The following TXNDC16 variants were observed in gnomAD, a reference collection of about 807,000 sequenced individuals.
TXNDC16 encodes the protein thioredoxin domain containing 16, also known as thioredoxin domain-containing protein 16.
TXNDC16 carries 74 observed loss-of-function variants against 85.6 expected under a neutral mutation model. That is an observed-to-expected ratio of 0.86 (90% CI 0.72 to 1.05). The LOEUF (loss-of-function observed/expected upper bound fraction) is 1.05. TXNDC16 is among the 50% of genes least tolerant of loss of function. TXNDC16 has a pLI of 0.00. For missense variants in TXNDC16, 959 were observed against 947.0 expected (o/e 1.01, Z -0.17); for synonymous variants, 335 against 326.5 (o/e 1.03, Z -0.28).
At chr14:52,478,364 T>C (rs998707918) in intron 14 of TXNDC16, among the ~76,000 whole-genome samples, 2 of 151,386 alleles carry the variant, frequency 1.3e-5, no homozygotes, top group Non-Finnish European at 3.0e-5. Context: ...CAACAAAAAA[T>C]ACAAAAGATA....
chr14:52,435,593 C>T (rs763138535), intron 20 of TXNDC16, among the ~76,000 whole-genome samples: 8 of 152,018 alleles, frequency 5.3e-5, no homozygotes, highest in Non-Finnish European at 8.8e-5. Flanking sequence ...AATATTAAAA[C>T]CAATAAATTG....
intron 18 of TXNDC16, among the ~76,000 whole-genome samples, chr14:52,449,225 T>C (rs2035353281): frequency 6.6e-6 from 1 of 151,580 alleles, no homozygotes; most frequent in South Asian, 2.1e-4. Context: ...TATAATGATA[T>C]ACAAAGACTG....
rs1305350706 is a variant in TXNDC16, at chr14:52,431,109, A to G, written c.*1195T>C. 6.6e-6 allele frequency: 1 copy of G among 152,272 alleles called. No homozygotes were observed. Among genetic ancestry groups the G allele is most frequent in the Non-Finnish European group, 1.5e-5 (1 of 68,048 alleles). The allele number at this position is 152,272 out of a possible 1,614,324, so 9.4% of individuals were successfully genotyped here. On this transcript the variant is annotated 3_prime_UTR_variant, in exon 21 of 21. Transcript: ENST00000281741. The stretch of plus-strand genomic sequence containing the variant: ...CAAAAATGAGACAAACAACTGCTAC[A>G]AACAGATCAGTCTAACAGCTAAGTG...
chr14:52,511,618 A>AT (rs536180230), intron 8 of TXNDC16, among the ~76,000 whole-genome samples: 29 of 151,338 alleles, frequency 1.9e-4, no homozygotes, highest in African/African-American at 4.8e-4. Context: ...TGTATAAACA[A>AT]TTTTTTTTTG....
chr14:52,526,451 G>T (rs1296126627), intron 6 of TXNDC16, among the ~76,000 whole-genome samples: 1 of 152,064 alleles, frequency 6.6e-6, no homozygotes, highest in Admixed American at 6.6e-5. Flanking sequence ...TGCCCCTGTA[G>T]AAGGAAATCC....
At chr14:52,529,174 G>GT (rs1448835446) in intron 6 of TXNDC16, among the ~76,000 whole-genome samples, 11 of 151,186 alleles carry the variant, frequency 7.3e-5, no homozygotes, top group Non-Finnish European at 1.5e-4. Context: ...CATGTCCTCT[G>GT]TAGGGACATG....
At chr14:52,493,208 T>TAC (rs755511374) in intron 9 of TXNDC16, among the ~76,000 whole-genome samples, 14,999 of 119,564 alleles carry the variant, frequency 0.13, 920 homozygotes, top group Non-Finnish European at 0.13. Flanking sequence ...TATATATATA[T>TAC]ATATATATAC....
At chr14:52,507,173 T>G (rs2036830775) in intron 9 of TXNDC16, among the ~76,000 whole-genome samples, 1 of 152,094 alleles carries the variant, frequency 6.6e-6, no homozygotes, top group Non-Finnish European at 1.5e-5. Context: ...CCCCATTGTC[T>G]CAGCCCAAAA....
chr14:52,542,535 C>A, intron 3 of TXNDC16, 82 bp from the exon 4 acceptor site: 1 of 945,056 alleles, frequency 1.1e-6, no homozygotes, highest in East Asian at 2.5e-5. Flanking sequence ...AGAATAGATT[C>A]ATTTGTCCAA....
At chr14:52,532,344 T>C (rs2037600437) in intron 6 of TXNDC16, among the ~76,000 whole-genome samples, 1 of 152,118 alleles carries the variant, frequency 6.6e-6, no homozygotes, top group South Asian at 2.1e-4. Flanking sequence ...GCCAGTTCAC[T>C]CAAGCCTGGG....
intron 6 of TXNDC16, among the ~76,000 whole-genome samples, chr14:52,520,478 C>T (rs1249199515): frequency 6.6e-6 from 1 of 152,036 alleles, no homozygotes; most frequent in Non-Finnish European, 1.5e-5. Context: ...GGCGCAGTGG[C>T]GGGCACTTGT....
intron 6 of TXNDC16, among the ~76,000 whole-genome samples, chr14:52,527,325 G>C (rs2037359817): frequency 6.6e-6 from 1 of 152,212 alleles, no homozygotes; most frequent in Non-Finnish European, 1.5e-5. Flanking sequence ...AATTGAATAA[G>C]AGGACACCCC....
chr14:52,472,524 C>T (rs2035931488), intron 14 of TXNDC16, among the ~76,000 whole-genome samples: 1 of 152,146 alleles, frequency 6.6e-6, no homozygotes, highest in Admixed American at 6.5e-5. Context: ...CACTATATCC[C>T]ACTGCCTTGC....
chr14:52,488,573 C>T (rs1316867436), intron 11 of TXNDC16, 87 bp from the exon 12 acceptor site: 4 of 1,093,940 alleles, frequency 3.7e-6, no homozygotes, highest in Non-Finnish European at 5.1e-6. Flanking sequence ...TGGTGGCTCA[C>T]ACCTGTAATC....
intron 12 of TXNDC16, 152 bp downstream of exon 12, chr14:52,488,211 G>T (rs980951721): frequency 1.2e-5 from 11 of 898,212 alleles, no homozygotes; most frequent in Admixed American, 2.7e-5. Flanking sequence ...AAATCAACTT[G>T]ATAAAATGTG....
chr14:52,505,868 C>T lies in TXNDC16; in HGVS notation c.756+5372G>A, dbSNP rs191135151. Among the ~76,000 whole-genome samples the T allele has an allele frequency of 2.8e-3, 423 of 152,076 alleles. 6 individuals carry two copies. The East Asian group carries it at 0.037, about 13-fold the overall frequency. On this transcript the variant is annotated intron_variant, in intron 9 of 20. Coordinates refer to ENST00000281741, the MANE Select transcript of TXNDC16 (RefSeq NM_020784.3). ...AAAAGAGAGAAGAATCAAATAGACACAATAAAAAATGATAAAGGGGATATC... is the reference window on the plus strand; with the variant it reads ...AAAAGAGAGAAGAATCAAATAGACATAATAAAAAATGATAAAGGGGATATC...
At chr14:52,523,253 C>G (rs1052429823) in intron 6 of TXNDC16, among the ~76,000 whole-genome samples, 1 of 152,088 alleles carries the variant, frequency 6.6e-6, no homozygotes, top group Non-Finnish European at 1.5e-5. Flanking sequence ...CCAGAAAGGC[C>G]TTCATTTTCT....
chr14:52,436,931 G>T (rs1472901843), intron 20 of TXNDC16, among the ~76,000 whole-genome samples: 1 of 151,824 alleles, frequency 6.6e-6, no homozygotes, highest in Non-Finnish European at 1.5e-5. Context: ...AGACCATCTA[G>T]TATCTAATAA....
In TXNDC16 at chr14:52,470,036, C is replaced by A; in HGVS notation, c.1618+1G>T. On this transcript the variant is annotated splice_donor_variant, in intron 16 of 20. Coordinates refer to ENST00000281741, the MANE Select transcript of TXNDC16 (RefSeq NM_020784.3). LOFTEE classifies it high-confidence loss of function. ...TAATTTAAAAGCTCAGCTCTGCTTA[C>A]CTGTTTTCATGGTTGGACTAAATAG... The A allele has an allele frequency of 6.2e-7, 1 of 1,604,594 alleles. No individual in the cohort carries two copies. The highest frequency in any genetic ancestry group is 1.7e-4 in the Middle Eastern group (1 of 6,030).
Sources: allele counts gnomAD v4.1 joint callset (sites outside exome capture counted in the v4.1 genomes callset), GRCh38; gene constraint gnomAD v4.1.1; transcripts MANE v1.5; gene names NCBI Gene and HGNC (gene_info 2026-07-23, HGNC 2026-07-21).